Variants in SLC5A1 observed in about 807,000 individuals in gnomAD.
The protein encoded by SLC5A1 is solute carrier family 5 member 1, also known as sodium/glucose cotransporter 1.
In SLC5A1, 42 loss-of-function variants were observed where a neutral mutation model predicts 73.5. The ratio of observed to expected loss-of-function variants is 0.57; its 90% CI spans 0.45 to 0.74. The LOEUF is 0.74. Ranked by LOEUF, SLC5A1 falls within the 30% of genes least tolerant of loss-of-function variation. The probability of loss-of-function intolerance (pLI) is 0.00; values close to 1 mark genes in which losing one functional copy is unlikely to be tolerated. For synonymous variants in SLC5A1, 300 were observed against 317.4 expected (o/e 0.95, Z 0.58); for missense variants, 634 against 855.4 (o/e 0.74, Z 3.23).
Position 32,081,902 on chromosome 22 carries a change from G to A in SLC5A1, c.514G>A (p.Ala172Thr). Residue 172 changes from alanine to threonine, a missense_variant, in exon 6 of 15, where the codon GCC (alanine) becomes ACC (threonine). Ala to Thr is a moderately conservative substitution (Grantham distance 58, BLOSUM62 0). Around this residue, in one of 3 missense-constraint regions of SLC5A1, gnomAD observed 422 missense variants for 626.1 expected, o/e 0.67. Transcript: ENST00000266088. Reference sequence around the variant, plus strand: ...CTCGGGGGCCATATTCATCAATCTGGCCTTAGGCCTGAATCTGTATTTAGC... The same window carrying A: ...CTCGGGGGCCATATTCATCAATCTGACCTTAGGCCTGAATCTGTATTTAGC... The part of the protein sequence containing the change: ...IFSGAIFINL[A>T]LGLNLYLAIF... The A allele has an allele frequency of 1.9e-6, 3 of 1,613,592 alleles. No homozygotes were observed. The highest frequency in any genetic ancestry group is 2.5e-6 in the Non-Finnish European group (3 of 1,179,804).
intron 11 of SLC5A1, among the ~76,000 whole-genome samples, chr22:32,093,690 T>C (rs543508703): frequency 6.6e-6 from 1 of 152,182 alleles, no homozygotes; most frequent in Non-Finnish European, 1.5e-5. Context: ...TACATTAATT[T>C]TGGGTCCTGA....
intron 5 of SLC5A1, among the ~76,000 whole-genome samples, chr22:32,081,354 G>T (rs1039011191): frequency 1.3e-5 from 2 of 152,166 alleles, no homozygotes; most frequent in Non-Finnish European, 2.9e-5. Flanking sequence ...ACTGCATCCG[G>T]GTTGGGGAGT....
chr22:32,069,421 T>TATA (rs1186460807), intron 5 of SLC5A1, among the ~76,000 whole-genome samples: 1 of 152,012 alleles, frequency 6.6e-6, no homozygotes, highest in Non-Finnish European at 1.5e-5. Context: ...CTGGGCTTAG[T>TATA]AGTGTGTGCC....
chr22:32,080,716 C>G (rs116192310), intron 5 of SLC5A1, among the ~76,000 whole-genome samples: 1,740 of 152,314 alleles, frequency 0.011, 42 homozygotes, highest in African/African-American at 0.039. Context: ...AAAGACTCAG[C>G]TGGGCGCAGT....
chr22:32,074,473 T>C (rs531176587), intron 5 of SLC5A1, among the ~76,000 whole-genome samples: 2 of 152,078 alleles, frequency 1.3e-5, no homozygotes, highest in Non-Finnish European at 2.9e-5. Context: ...TTGAGGCTCC[T>C]TACCCTCGTC....
At chr22:32,109,459 C>G (rs1310822168) in intron 14 of SLC5A1, among the ~76,000 whole-genome samples, 1 of 152,182 alleles carries the variant, frequency 6.6e-6, no homozygotes. Flanking sequence ...AAGTATTGCT[C>G]ATTGCTGCGC....
intron 5 of SLC5A1, among the ~76,000 whole-genome samples, chr22:32,072,190 T>A (rs1053058161): frequency 5.1e-4 from 77 of 152,174 alleles, no homozygotes; most frequent in Non-Finnish European, 1.5e-4. Flanking sequence ...ACCTGATAGT[T>A]TTTTGTTCCT....
intron 5 of SLC5A1, among the ~76,000 whole-genome samples, chr22:32,081,458 G>A (rs17683310): frequency 0.045 from 6,829 of 152,224 alleles, 208 homozygotes; most frequent in Non-Finnish European, 0.071. Flanking sequence ...TGCTTTTGGG[G>A]ACGAGCTCTG....
At chr22:32,055,529 C>T (rs956662529) in intron 2 of SLC5A1, among the ~76,000 whole-genome samples, 1 of 152,168 alleles carries the variant, frequency 6.6e-6, no homozygotes, top group African/African-American at 2.4e-5. Flanking sequence ...TGAGCACATT[C>T]CATTCCTGAG....
At chr22:32,107,576 A>G (rs945264125) in intron 14 of SLC5A1, among the ~76,000 whole-genome samples, 1 of 152,196 alleles carries the variant, frequency 6.6e-6, no homozygotes, top group Admixed American at 6.5e-5. Context: ...GTCTATATTT[A>G]CCACCATCAT....
At chr22:32,088,058 G>A (rs963018828) in intron 10 of SLC5A1, among the ~76,000 whole-genome samples, 6 of 152,168 alleles carry the variant, frequency 3.9e-5, no homozygotes, top group Non-Finnish European at 8.8e-5. Context: ...TACTTAACTA[G>A]CCTACTGAGC....
rs140860103 is a variant in SLC5A1, at chr22:32,110,626, A to ATT, written c.*422_*423dup. Reference sequence around the variant, plus strand: ...ACTTTTCCTGTCCGTCCTCCTCCCCATTTTTTTTTTAAAAGAAAGCTGTTT... The same window carrying ATT: ...ACTTTTCCTGTCCGTCCTCCTCCCCATTTTTTTTTTTTAAAAGAAAGCTGTTT... On this transcript the variant is annotated 3_prime_UTR_variant, in exon 15 of 15. Transcript: ENST00000266088. 25 of 248,668 alleles carry ATT rather than the reference A, an allele frequency of 1.0e-4. No homozygotes were observed. Among genetic ancestry groups the ATT allele is most frequent in the East Asian group, 2.1e-4 (2 of 9,400 alleles). 15.4% of individuals were successfully genotyped at this position (248,668 alleles called of 1,614,324 possible). A position where few individuals can be genotyped will look rare whatever the true frequency, so the allele number is the denominator to read the frequency against.
chr22:32,068,757 G>A (rs1360412408), intron 5 of SLC5A1, among the ~76,000 whole-genome samples, 157 bp downstream of exon 5: 7 of 151,852 alleles, frequency 4.6e-5, no homozygotes, highest in African/African-American at 1.5e-4. Context: ...TCTGCATCGA[G>A]GAGCCAATGG....
intron 2 of SLC5A1, among the ~76,000 whole-genome samples, chr22:32,062,356 T>C (rs1057348425): frequency 3.9e-5 from 6 of 152,192 alleles, no homozygotes; most frequent in Non-Finnish European, 5.9e-5. Flanking sequence ...CGTGGTAAAA[T>C]GTGATTAATT....
chr22:32,048,989 G>C (rs1017433214), intron 1 of SLC5A1, among the ~76,000 whole-genome samples: 3 of 151,698 alleles, frequency 2.0e-5, no homozygotes, highest in Non-Finnish European at 4.4e-5. Context: ...AGAATTGCTT[G>C]AACCCAGGAG....
chr22:32,053,075 T>A (rs2093947141), intron 2 of SLC5A1, among the ~76,000 whole-genome samples: 1 of 152,136 alleles, frequency 6.6e-6, no homozygotes, highest in Non-Finnish European at 1.5e-5. Flanking sequence ...AGTTCCCAAT[T>A]TCAGCCCACA....
chr22:32,059,058 C>A (rs2149485331), intron 2 of SLC5A1: 1 of 977,540 alleles, frequency 1.0e-6, no homozygotes, highest in Non-Finnish European at 1.2e-6. Context: ...TGAGTCCTTG[C>A]CATGTGCAAA....
chr22:32,102,908 C>G (rs1482037266), intron 13 of SLC5A1, among the ~76,000 whole-genome samples: 1 of 152,096 alleles, frequency 6.6e-6, no homozygotes, highest in Non-Finnish European at 1.5e-5. Flanking sequence ...GGATCTCATT[C>G]TTTTTATGGT....
intron 2 of SLC5A1, among the ~76,000 whole-genome samples, chr22:32,057,291 T>C (rs527441051): frequency 8.2e-4 from 125 of 152,328 alleles, no homozygotes; most frequent in Non-Finnish European, 1.5e-3. Flanking sequence ...TTTTGAGATA[T>C]GATCTCACTC....
Sources: gnomAD v4.1 joint callset for allele counts (sites outside exome capture counted in the v4.1 genomes callset) on GRCh38, gnomAD v4.1.1 for gene constraint, gnomAD v4.1.1 regional missense constraint, MANE v1.5 for transcripts, NCBI Gene and HGNC (gene_info 2026-07-23, HGNC 2026-07-21) for gene names.